The following POU2F3 variants were observed in gnomAD, a reference collection of about 807,000 sequenced individuals.
POU2F3 encodes the protein POU domain, class 2, transcription factor 3.
A neutral mutation model predicts 59.2 loss-of-function variants in POU2F3; 23 were observed. The observed-to-expected ratio is 0.39, with a 90% CI of 0.28 to 0.55. POU2F3 has a LOEUF of 0.55. Among genes scored for constraint, POU2F3 ranks in the 20% least tolerant of loss-of-function variants. POU2F3 has a pLI of 0.66. For missense variants in POU2F3, 473 were observed against 544.5 expected (o/e 0.87, Z 1.31); for synonymous variants, 190 against 214.6 (o/e 0.89, Z 1.00).
At chr11:120,318,069 C>A (rs1941834517) in intron 12 of POU2F3, among the ~76,000 whole-genome samples, 1 of 152,122 alleles carries the variant, frequency 6.6e-6, no homozygotes, top group African/African-American at 2.4e-5. Flanking sequence ...CCTCACCTAC[C>A]CCTACTGAGA....
At chr11:120,290,962 T>C (rs6589805) in intron 3 of POU2F3, among the ~76,000 whole-genome samples, 65,114 of 152,158 alleles carry the variant, frequency 0.43, 16,696 homozygotes, top group East Asian at 0.86. Context: ...TTCCTCTCTT[T>C]ACCTCTTCTC....
intron 3 of POU2F3, among the ~76,000 whole-genome samples, chr11:120,284,813 C>T (rs1940717712): frequency 6.6e-6 from 1 of 152,080 alleles, no homozygotes; most frequent in Non-Finnish European, 1.5e-5. Context: ...AACTCACAGA[C>T]TTTTAGGGCT....
At chr11:120,304,542 A>G (rs772233365) in intron 6 of POU2F3, among the ~76,000 whole-genome samples, 1 of 152,184 alleles carries the variant, frequency 6.6e-6, no homozygotes, top group Non-Finnish European at 1.5e-5. Flanking sequence ...GCCATGAGTT[A>G]TTGGATGTCC....
chr11:120,274,715 T>A (rs1940251389), intron 3 of POU2F3, among the ~76,000 whole-genome samples: 1 of 152,272 alleles, frequency 6.6e-6, no homozygotes, highest in Middle Eastern at 3.4e-3. Context: ...GAGTTGCCAC[T>A]GGATCATATT....
intron 10 of POU2F3, among the ~76,000 whole-genome samples, chr11:120,313,227 G>A (rs939969975): frequency 3.9e-5 from 6 of 152,190 alleles, no homozygotes; most frequent in African/African-American, 1.4e-4. Context: ...TCAACATGGT[G>A]AGAAATGGAG....
At chr11:120,284,147 C>G (rs527569493) in intron 3 of POU2F3, among the ~76,000 whole-genome samples, 3 of 151,684 alleles carry the variant, frequency 2.0e-5, no homozygotes, top group Non-Finnish European at 4.4e-5. Context: ...CCATGGCACT[C>G]CAGTCTGGGT....
intron 3 of POU2F3, among the ~76,000 whole-genome samples, chr11:120,278,403 C>A (rs1940423905): frequency 6.6e-6 from 1 of 152,122 alleles, no homozygotes. Flanking sequence ...AGCTGTGATC[C>A]CCAGTGAGAA....
chr11:120,269,767 A>G (rs1939983297), intron 3 of POU2F3, among the ~76,000 whole-genome samples: 1 of 152,172 alleles, frequency 6.6e-6, no homozygotes, highest in African/African-American at 2.4e-5. Context: ...TTGCAAGGAA[A>G]CCAAGTTGAA....
chr11:120,240,239 G>A lies in POU2F3; in HGVS notation c.-105G>A, dbSNP rs559251365. 2.7e-3 allele frequency: 3,337 copies of A among 1,250,004 alleles called. 26 individuals carry two copies. In the African/African-American group the frequency reaches 0.028, roughly 10 times the overall value. The allele number at this position is 1,250,004 out of a possible 1,614,324, so 77.4% of individuals were successfully genotyped here. A position where few individuals can be genotyped will look rare whatever the true frequency, so the allele number is the denominator to read the frequency against. On this transcript the variant is annotated 5_prime_UTR_variant, in exon 1 of 13. Coordinates refer to ENST00000543440, the MANE Select transcript of POU2F3 (RefSeq NM_014352.4). ...TCCGGCAGCGGCTCCCGCGGCGGCG[G>A]CGGCCGGGAACTGGAGGAAGGAGAC...
upstream of POU2F3, among the ~76,000 whole-genome samples, chr11:120,236,862 G>A (rs993169488): frequency 1.3e-5 from 2 of 152,192 alleles, no homozygotes; most frequent in African/African-American, 4.8e-5. Context: ...AAGCCTCAGG[G>A]CACATGAGGG....
At chr11:120,278,523 C>T (rs964287008) in intron 3 of POU2F3, among the ~76,000 whole-genome samples, 30 of 152,102 alleles carry the variant, frequency 2.0e-4, no homozygotes, top group Non-Finnish European at 3.8e-4. Context: ...CAGGAAAAGG[C>T]GCCCCCAGAA....
At chr11:120,270,896 C>T (rs1940040264) in intron 3 of POU2F3, among the ~76,000 whole-genome samples, 1 of 152,068 alleles carries the variant, frequency 6.6e-6, no homozygotes, top group South Asian at 2.1e-4. Flanking sequence ...GTTTTGCCAC[C>T]TTGCCCAGAC....
intron 3 of POU2F3, among the ~76,000 whole-genome samples, chr11:120,295,531 C>G (rs1395980783): frequency 1.3e-5 from 2 of 152,148 alleles, no homozygotes; most frequent in African/African-American, 4.8e-5. Flanking sequence ...AAGTAAAATC[C>G]CCTCTCAGAT....
intron 2 of POU2F3, among the ~76,000 whole-genome samples, chr11:120,261,748 G>C (rs897338137): frequency 6.6e-6 from 1 of 152,208 alleles, no homozygotes; most frequent in Non-Finnish European, 1.5e-5. Flanking sequence ...GGGAGGGAAA[G>C]AAAAAGTCCT....
chr11:120,252,089 TG>T (rs1206675920), intron 2 of POU2F3, among the ~76,000 whole-genome samples: 1 of 150,350 alleles, frequency 6.7e-6, no homozygotes, highest in Non-Finnish European at 1.5e-5. Flanking sequence ...CCACCGCGCC[TG>T]GCCTTGGCTG....
chr11:120,291,806 C>A (rs928544202), intron 3 of POU2F3, among the ~76,000 whole-genome samples: 4 of 133,656 alleles, frequency 3.0e-5, no homozygotes, highest in African/African-American at 1.2e-4. Flanking sequence ...AATTTCTTTT[C>A]TTTTTTCTTT....
intron 5 of POU2F3, 30 bp downstream of exon 5, chr11:120,299,756 C>A: frequency 6.4e-7 from 1 of 1,563,808 alleles, no homozygotes; most frequent in Non-Finnish European, 8.7e-7. Context: ...CCACCTAGAC[C>A]AAGTCCAGTC....
chr11:120,244,306 C>T (rs1251757216), intron 1 of POU2F3, among the ~76,000 whole-genome samples: 1 of 152,142 alleles, frequency 6.6e-6, no homozygotes, highest in Non-Finnish European at 1.5e-5. Flanking sequence ...GAGAAGAAGG[C>T]AGGAAGGGAA....
intron 2 of POU2F3, among the ~76,000 whole-genome samples, chr11:120,268,597 C>T (rs1425508357): frequency 6.6e-6 from 1 of 152,196 alleles, no homozygotes; most frequent in African/African-American, 2.4e-5. Flanking sequence ...CTGCCTCAGC[C>T]TCCCAAAGTG....
Sources: allele counts gnomAD v4.1 joint callset (sites outside exome capture counted in the v4.1 genomes callset), GRCh38; gene constraint gnomAD v4.1.1; transcripts MANE v1.5; gene names NCBI Gene and HGNC (gene_info 2026-07-23, HGNC 2026-07-21).